Variants in ZNF487 observed in about 807,000 individuals in gnomAD.
The protein encoded by ZNF487 is KRAB domain only 1.
ZNF487 carries 4 observed loss-of-function variants against 3.0 expected under a neutral mutation model. The ratio of observed to expected loss-of-function variants is 1.35; its 90% CI spans 0.66 to 3.08. The LOEUF is 3.08. ZNF487 is among the 30% of genes most tolerant of loss of function. ZNF487 has a pLI of 0.01. For missense variants in ZNF487, 146 were observed against 98.7 expected, an observed-to-expected ratio of 1.48 and a Z score of -2.03; for synonymous variants, 55 against 34.6, an observed-to-expected ratio of 1.59 and a Z score of -2.06.
At chr10:43,495,599 A>G in the ZNF487 span, among the ~76,000 whole-genome samples, 9 of 152,152 alleles carry the variant, frequency 5.9e-5, no homozygotes, top group Non-Finnish European at 1.3e-4. Flanking sequence ...TAAGGTAGCA[A>G]AACAGAATTG....
rs1408904501 is a variant in ZNF487, at chr10:43,474,213, G to A, written c.-93-1508G>A. 7.3e-5 allele frequency among the ~76,000 whole-genome samples: 11 copies of A among 150,976 alleles called. 1 individual carries two copies. The highest frequency in any genetic ancestry group is 2.7e-4 in the African/African-American group (11 of 41,174). On this transcript the variant is annotated intron_variant, in intron 1 of 3. Coordinates refer to ENST00000437590, the MANE Select transcript of ZNF487 (RefSeq NM_001355444.3). ...GGTGTGGCTCAAGCCTGTAATCCTA[G>A]CACTTTGGGAGGCTGAGGTGGGCCG... is the stretch of plus-strand genomic sequence containing the variant.
downstream of ZNF487, among the ~76,000 whole-genome samples, chr10:43,486,621 C>A (rs76371309): frequency 0.028 from 4,264 of 151,886 alleles, 94 homozygotes; most frequent in South Asian, 0.041. Context: ...AATAAGAGCA[C>A]CTTTATTTAT....
chr10:43,506,708 C>T, the ZNF487 span, among the ~76,000 whole-genome samples: 1 of 152,116 alleles, frequency 6.6e-6, no homozygotes, highest in Non-Finnish European at 1.5e-5. Flanking sequence ...AGTGAAATAT[C>T]TCTGTGGTCT....
chr10:43,484,350 T>C (rs558580546), downstream of ZNF487, among the ~76,000 whole-genome samples: 5 of 151,608 alleles, frequency 3.3e-5, no homozygotes, highest in Non-Finnish European at 7.4e-5. Flanking sequence ...CTCACACCTG[T>C]AATCCCAGCA....
chr10:43,466,611 C>T (rs1285730978), intron 1 of ZNF487, among the ~76,000 whole-genome samples: 1 of 151,864 alleles, frequency 6.6e-6, no homozygotes, highest in Non-Finnish European at 1.5e-5. Flanking sequence ...CCATGTTTGT[C>T]AGGCTGGTCT....
intron 1 of ZNF487, among the ~76,000 whole-genome samples, chr10:43,449,202 G>A (rs952041020): frequency 1.3e-5 from 2 of 152,082 alleles, no homozygotes; most frequent in African/African-American, 4.8e-5. Context: ...TGGAGGCTGA[G>A]GCAGGAGAAT....
intron 3 of ZNF487, among the ~76,000 whole-genome samples, chr10:43,480,830 T>C (rs1312072654): frequency 6.6e-6 from 1 of 152,138 alleles, no homozygotes; most frequent in African/African-American, 2.4e-5. Context: ...GGAAGACTCT[T>C]CACAATTATT....
At chr10:43,521,276 T>C in the ZNF487 span, among the ~76,000 whole-genome samples, 1 of 152,342 alleles carries the variant, frequency 6.6e-6, no homozygotes, top group South Asian at 2.1e-4. Context: ...TATACCCATA[T>C]ATATAGCTGA....
chr10:43,465,221 C>T (rs943948887), intron 1 of ZNF487, among the ~76,000 whole-genome samples: 6 of 149,144 alleles, frequency 4.0e-5, no homozygotes, highest in African/African-American at 7.4e-5. Flanking sequence ...CTGGACGGGG[C>T]GGCTGGCTGG....
At chr10:43,471,804 G>C (rs1564425022) in intron 1 of ZNF487, among the ~76,000 whole-genome samples, 2 of 152,146 alleles carry the variant, frequency 1.3e-5, no homozygotes, top group Non-Finnish European at 2.9e-5. Flanking sequence ...TGGACAGTGT[G>C]TGCTCATTGG....
the ZNF487 span, among the ~76,000 whole-genome samples, chr10:43,495,796 T>C: frequency 6.6e-6 from 1 of 152,196 alleles, no homozygotes; most frequent in African/African-American, 2.4e-5. Context: ...TGGGGAACTT[T>C]AGATTTTTTT....
chr10:43,451,279 CTT>C (rs934222785), intron 1 of ZNF487, among the ~76,000 whole-genome samples: 7 of 151,716 alleles, frequency 4.6e-5, no homozygotes, highest in African/African-American at 1.7e-4. Context: ...GAGTTTTGCT[CTT>C]GTTGCCCAGT....
chr10:43,442,458 T>A (rs1032302214), intron 1 of ZNF487, among the ~76,000 whole-genome samples: 2 of 151,786 alleles, frequency 1.3e-5, no homozygotes, highest in South Asian at 2.1e-4. Context: ...TTATTTATTT[T>A]TTTGAGACGG....
chr10:43,455,602 G>A (rs912041345), intron 1 of ZNF487, among the ~76,000 whole-genome samples: 3 of 152,230 alleles, frequency 2.0e-5, no homozygotes, highest in Non-Finnish European at 4.4e-5. Flanking sequence ...GGAACCTGAC[G>A]GGAAACGGCC....
chr10:43,492,530 C>T, the ZNF487 span, among the ~76,000 whole-genome samples: 1 of 151,544 alleles, frequency 6.6e-6, no homozygotes, highest in South Asian at 2.1e-4. Flanking sequence ...CGGCTCACTG[C>T]AAGCTCCACC....
At chr10:43,500,618 C>T in the ZNF487 span, among the ~76,000 whole-genome samples, 1 of 152,126 alleles carries the variant, frequency 6.6e-6, no homozygotes, top group African/African-American at 2.4e-5. Context: ...TCTCCCACCT[C>T]AGCCTCCTGA....
intron 1 of ZNF487, among the ~76,000 whole-genome samples, chr10:43,459,366 A>G (rs1168474653): frequency 6.6e-6 from 1 of 151,964 alleles, no homozygotes; most frequent in Non-Finnish European, 1.5e-5. Context: ...AGTAGCCGGG[A>G]CTACAGGTGT....
intron 1 of ZNF487, among the ~76,000 whole-genome samples, chr10:43,455,202 G>A (rs149177421): frequency 0.048 from 7,278 of 151,810 alleles, 254 homozygotes; most frequent in South Asian, 0.12. Flanking sequence ...TAGTAGAGAC[G>A]GGGTTTCACC....
chr10:43,517,594 C>G, the ZNF487 span, among the ~76,000 whole-genome samples: 3 of 152,174 alleles, frequency 2.0e-5, no homozygotes, highest in Non-Finnish European at 4.4e-5. Context: ...ATTAGAGCAG[C>G]AACTGTTGGT....
Sources: allele counts gnomAD v4.1 joint callset (sites outside exome capture counted in the v4.1 genomes callset), GRCh38; gene constraint gnomAD v4.1.1; transcripts MANE v1.5; gene names NCBI Gene and HGNC (gene_info 2026-07-23, HGNC 2026-07-21).